Variants in PLS1 observed in about 807,000 individuals in gnomAD.
PLS1 encodes the protein plastin-1.
A neutral mutation model predicts 73.7 loss-of-function variants in PLS1; 32 were observed. The observed-to-expected ratio is 0.43, with a 90% CI of 0.33 to 0.58. The LOEUF (loss-of-function observed/expected upper bound fraction) is 0.58, where lower values mean the gene tolerates loss of function less well. PLS1 is among the 20% of genes least tolerant of loss of function. The probability of loss-of-function intolerance (pLI) is 0.04; values close to 1 mark genes in which losing one functional copy is unlikely to be tolerated. For synonymous variants in PLS1, 217 were observed against 261.3 expected, an observed-to-expected ratio of 0.83 and a Z score of 1.63; for missense variants, 633 against 740.5, an observed-to-expected ratio of 0.85 and a Z score of 1.68.
chr3:142,696,144 A>G (rs1267901325), intron 11 of PLS1, among the ~76,000 whole-genome samples: 1 of 152,192 alleles, frequency 6.6e-6, no homozygotes. Flanking sequence ...TTTTTGGACC[A>G]TGAGCATGTA....
intron 1 of PLS1, among the ~76,000 whole-genome samples, chr3:142,644,639 A>G (rs1577828812): frequency 6.6e-6 from 1 of 152,230 alleles, no homozygotes; most frequent in East Asian, 1.9e-4. Flanking sequence ...AATGTGAAGC[A>G]TATAATTTTA....
At chr3:142,640,829 A>G (rs2036816306) in intron 1 of PLS1, among the ~76,000 whole-genome samples, 1 of 152,038 alleles carries the variant, frequency 6.6e-6, no homozygotes, top group Admixed American at 6.6e-5. Flanking sequence ...TCATTTCTCA[A>G]AAATTCTTTT....
At chr3:142,631,216 A>C (rs1033291159) in intron 1 of PLS1, among the ~76,000 whole-genome samples, 8 of 151,962 alleles carry the variant, frequency 5.3e-5, no homozygotes, top group Middle Eastern at 6.8e-3. Flanking sequence ...GTCTCTATAA[A>C]AAATACAAAA....
intron 4 of PLS1, among the ~76,000 whole-genome samples, chr3:142,675,064 T>C (rs2037692018): frequency 6.6e-6 from 1 of 152,150 alleles, no homozygotes. Context: ...TTAAATTCCA[T>C]TGAAATTGAG....
rs371894541 is a variant in PLS1 at position 142,669,478 on chromosome 3, C to T, written c.159C>T (p.Arg53=). ...TTCCTCTGCCTGGCTACAAGGTGCG[C>T]GAGATTGTGGAGAAAATTCTATCAG... ...ASLPLPGYKV[R]EIVEKILSVA... The change falls in exon 3 of 16, where the codon CGC becomes CGT. Residue 53 remains arginine (R), a synonymous_variant. Transcript: ENST00000457734. 139 of 1,613,368 alleles carry T rather than the reference C, an allele frequency of 8.6e-5. No individual in the cohort carries two copies. Among genetic ancestry groups the T allele is most frequent in the Non-Finnish European group, 1.1e-4 (125 of 1,179,426 alleles).
chr3:142,677,316 A>G (rs905652273), intron 5 of PLS1, among the ~76,000 whole-genome samples: 2 of 152,190 alleles, frequency 1.3e-5, no homozygotes, highest in African/African-American at 2.4e-5. Flanking sequence ...ACTGATGATC[A>G]TTAAGTGAAA....
chr3:142,687,116 A>G (rs931035099), intron 9 of PLS1, among the ~76,000 whole-genome samples: 27 of 152,234 alleles, frequency 1.8e-4, no homozygotes, highest in African/African-American at 6.3e-4. Context: ...GGATGGTTCT[A>G]TCTAAATCAG....
At chr3:142,605,326 A>G (rs1434101406) in intron 1 of PLS1, among the ~76,000 whole-genome samples, 1 of 152,220 alleles carries the variant, frequency 6.6e-6, no homozygotes, top group Non-Finnish European at 1.5e-5. Context: ...ACTGCCAGAA[A>G]TTAAACTCAT....
chr3:142,690,913 CAG>C (rs1452013160), intron 10 of PLS1, among the ~76,000 whole-genome samples: 8 of 151,944 alleles, frequency 5.3e-5, no homozygotes, highest in Admixed American at 2.6e-4. Context: ...AAGGGAAAGG[CAG>C]TTGTCAGAGG....
intron 1 of PLS1, among the ~76,000 whole-genome samples, chr3:142,603,962 T>C (rs1162428136): frequency 6.6e-6 from 1 of 152,064 alleles, no homozygotes; most frequent in African/African-American, 2.4e-5. Context: ...GCAAAAGGTT[T>C]TGGGGTGTCA....
rs1577818367 is a variant in PLS1 at position 142,639,020 on chromosome 3, T to C, written c.-36-25182T>C. Among the ~76,000 whole-genome samples the C allele has an allele frequency of 2.0e-5, 3 of 152,116 alleles. No homozygotes were observed. The South Asian group carries it at 6.2e-4, about 32-fold the overall frequency. ...CCTCCCAAAGTGCTGGGATTACAGG[T>C]GTGAGCCACCACAGCTGGCCTATCT... On this transcript the variant is annotated intron_variant, in intron 1 of 15. Transcript: ENST00000457734.
chr3:142,662,887 CA>C (rs2037401383), intron 1 of PLS1, among the ~76,000 whole-genome samples: 1 of 152,086 alleles, frequency 6.6e-6, no homozygotes, highest in African/African-American at 2.4e-5. Context: ...TTCTCACCCC[CA>C]AAAAGGTACA....
intron 6 of PLS1, among the ~76,000 whole-genome samples, chr3:142,682,342 G>A (rs1225585911): frequency 6.6e-6 from 1 of 152,176 alleles, no homozygotes; most frequent in Admixed American, 6.5e-5. Context: ...AAGACTCCTG[G>A]AAGAATAAGA....
At chr3:142,632,658 G>T (rs2036591866) in intron 1 of PLS1, among the ~76,000 whole-genome samples, 1 of 151,706 alleles carries the variant, frequency 6.6e-6, no homozygotes, top group South Asian at 2.1e-4. Context: ...GAGTGCTGTG[G>T]CATGATCCCA....
At chr3:142,681,661 A>G (rs1285437035) in intron 6 of PLS1, among the ~76,000 whole-genome samples, 2 of 152,138 alleles carry the variant, frequency 1.3e-5, no homozygotes, top group Non-Finnish European at 2.9e-5. Flanking sequence ...CATCAACACG[A>G]GTCTTCAGGA....
intron 1 of PLS1, among the ~76,000 whole-genome samples, chr3:142,606,158 A>C (rs2036013497): frequency 1.3e-5 from 2 of 152,256 alleles, no homozygotes; most frequent in African/African-American, 4.8e-5. Context: ...ATTAAATATC[A>C]GTGGGAATAG....
At chr3:142,645,912 C>T (rs1357356556) in intron 1 of PLS1, among the ~76,000 whole-genome samples, 1 of 152,112 alleles carries the variant, frequency 6.6e-6, no homozygotes, top group Non-Finnish European at 1.5e-5. Context: ...TCTGTACCGA[C>T]AAGTCAGGTT....
At chr3:142,682,929 C>T (rs191227226) in intron 6 of PLS1, among the ~76,000 whole-genome samples, 29 of 152,278 alleles carry the variant, frequency 1.9e-4, no homozygotes, top group African/African-American at 6.7e-4. Context: ...TCTGGTTCTG[C>T]TGCTTCTTTC....
intron 12 of PLS1, among the ~76,000 whole-genome samples, chr3:142,699,457 C>CA (rs1257984260): frequency 6.6e-6 from 1 of 151,830 alleles, no homozygotes; most frequent in Non-Finnish European, 1.5e-5. Context: ...AACTCTGTCT[C>CA]AAAAAACAAA....
Sources: allele counts gnomAD v4.1 joint callset (sites outside exome capture counted in the v4.1 genomes callset), GRCh38; gene constraint gnomAD v4.1.1; transcripts MANE v1.5; gene names NCBI Gene and HGNC (gene_info 2026-07-23, HGNC 2026-07-21).